The following RIPPLY3 variants were observed in gnomAD, a reference collection of about 807,000 sequenced individuals.
RIPPLY3 encodes the protein protein ripply3.
RIPPLY3 carries 8 observed loss-of-function variants against 11.9 expected under a neutral mutation model. The observed-to-expected ratio is 0.67, with a 90% CI of 0.40 to 1.21. RIPPLY3 has a LOEUF of 1.21. RIPPLY3 is among the 50% of genes most tolerant of loss of function. The pLI is 0.01. For synonymous variants in RIPPLY3, 102 were observed against 99.0 expected (o/e 1.03, Z -0.18); for missense variants, 271 against 246.0 (o/e 1.10, Z -0.68).
intron 2 of RIPPLY3, among the ~76,000 whole-genome samples, 172 bp from the exon 3 acceptor site, chr21:37,013,379 G>A (rs990028953): frequency 9.2e-5 from 14 of 152,260 alleles, no homozygotes; most frequent in Middle Eastern, 3.4e-3. Context: ...ATTTTGGGCC[G>A]CGGTAACAGG....
At chr21:37,012,946 C>A (rs993728244) in intron 2 of RIPPLY3, among the ~76,000 whole-genome samples, 2 of 151,358 alleles carry the variant, frequency 1.3e-5, no homozygotes, top group African/African-American at 4.9e-5. Flanking sequence ...CTCACTGTAA[C>A]CTCCACCTCC....
chr21:37,006,607 C>T (rs1382619095), upstream of RIPPLY3: 2 of 382,218 alleles, frequency 5.2e-6, no homozygotes, highest in Non-Finnish European at 4.5e-6. The surrounding 1 kb of genome is among the most constrained non-coding windows in gnomAD (Gnocchi z 5.2). Context: ...CCCCTCCGCA[C>T]CCCTCACGGA....
rs554824188 is a variant in RIPPLY3, at chr21:37,015,927, T to A, written c.240-1947T>A. Among the ~76,000 whole-genome samples, 207 of 150,606 alleles carry A rather than the reference T, an allele frequency of 1.4e-3. 3 individuals carry two copies. In the Middle Eastern group the frequency reaches 0.02, roughly 15 times the overall value. On this transcript the variant is annotated intron_variant, in intron 3 of 3. Transcript: ENST00000329553. ...TGGGGTTTTGCCATGTTGCTCAGGC[T>A]GGTCTCAAACTCCTGGGCTCAAGTG...
At chr21:37,012,035 C>T (rs561534200) in intron 2 of RIPPLY3, among the ~76,000 whole-genome samples, 11 of 151,284 alleles carry the variant, frequency 7.3e-5, no homozygotes, top group African/African-American at 2.2e-4. Context: ...ACATTCCCTC[C>T]GCCACCCGCC....
At chr21:37,012,112 T>C (rs1305773802) in intron 2 of RIPPLY3, among the ~76,000 whole-genome samples, 2 of 151,502 alleles carry the variant, frequency 1.3e-5, no homozygotes, top group Admixed American at 1.3e-4. Flanking sequence ...TGTCAGGCCA[T>C]AGTAAGTTTT....
At chr21:37,015,634 C>T (rs529560427) in intron 3 of RIPPLY3, among the ~76,000 whole-genome samples, 7 of 152,292 alleles carry the variant, frequency 4.6e-5, no homozygotes, top group African/African-American at 1.2e-4. Context: ...TACCCATCAC[C>T]GGCCTCAATA....
Position 37,018,114 on chromosome 21 carries a change from G to GCAGC in RIPPLY3, c.481_484dup (p.Arg162ProfsTer8). On this transcript the variant is annotated frameshift_variant, in exon 4 of 4. Coordinates refer to ENST00000329553, the MANE Select transcript of RIPPLY3 (RefSeq NM_018962.3). LOFTEE classifies it low-confidence loss of function (END_TRUNC). ...GCAGAGACCAGGGCATCAACCAAGG[G>GCAGC]CAGCGATCCTCAGGAGGGGGTGACC... The GCAGC allele has an allele frequency of 6.2e-7, 1 of 1,614,034 alleles. No homozygotes were observed. The highest frequency in any genetic ancestry group is 1.6e-4 in the Middle Eastern group (1 of 6,062).
Position 37,006,962 on chromosome 21 carries a change from C to T in RIPPLY3, c.104+86C>T. On this transcript the variant is annotated intron_variant, in intron 1 of 3. Coordinates refer to ENST00000329553, the MANE Select transcript of RIPPLY3 (RefSeq NM_018962.3). The surrounding 1 kb of genome is among the most constrained non-coding windows in gnomAD (Gnocchi z 5.2). ...GAGCGCAGCGAGCGGGAGGCTGGGG[C>T]GCTGCTGAACCCCCGATCCCCAGCG... The T allele has an allele frequency of 1.3e-6, 1 of 773,268 alleles. No individual in the cohort carries two copies. The highest frequency in any genetic ancestry group is 1.8e-5 in the African/African-American group (1 of 55,010). The allele number at this position is 773,268 out of a possible 1,614,324, so 47.9% of individuals were successfully genotyped here. A position where few individuals can be genotyped will look rare whatever the true frequency, so the allele number is the denominator to read the frequency against.
intron 1 of RIPPLY3, among the ~76,000 whole-genome samples, chr21:37,007,477 C>T (rs2069477459): frequency 7.2e-6 from 1 of 138,870 alleles, no homozygotes; most frequent in African/African-American, 2.8e-5. Context: ...GGCGTGATCT[C>T]GGCTCACGGG....
At chr21:37,007,508 A>T (rs1214007817) in intron 1 of RIPPLY3, among the ~76,000 whole-genome samples, 2 of 145,048 alleles carry the variant, frequency 1.4e-5, no homozygotes, top group Non-Finnish European at 3.0e-5. Flanking sequence ...TCCCGGGTTC[A>T]AGCGATTTTC....
intron 2 of RIPPLY3, among the ~76,000 whole-genome samples, chr21:37,012,505 T>A (rs1408126015): frequency 6.6e-6 from 1 of 152,098 alleles, no homozygotes; most frequent in South Asian, 2.1e-4. Flanking sequence ...CCTCCCAAAG[T>A]GCTGCCATTA....
chr21:37,011,854 G>A (rs2069525395), intron 2 of RIPPLY3, among the ~76,000 whole-genome samples: 1 of 146,468 alleles, frequency 6.8e-6, no homozygotes, highest in Non-Finnish European at 1.5e-5. Flanking sequence ...TCGGGAGGCT[G>A]AGGCAGGAGA....
rs2146770774 is a variant in RIPPLY3, at chr21:37,006,794, G to A, written c.22G>A (p.Gly8Arg). 3 of 1,232,794 alleles carry A rather than the reference G, an allele frequency of 2.4e-6. No individual in the cohort carries two copies. Among genetic ancestry groups the A allele is most frequent in the Admixed American group, 4.3e-5 (1 of 23,526 alleles). 76.4% of individuals were successfully genotyped at this position (1,232,794 alleles called of 1,614,324 possible). A position where few individuals can be genotyped will look rare whatever the true frequency, so the allele number is the denominator to read the frequency against. The change falls in exon 1 of 4, where the codon GGA (glycine) becomes AGA (arginine). Residue 8 changes from glycine (G) to arginine (R), a missense_variant. Coordinates refer to ENST00000329553, the MANE Select transcript of RIPPLY3 (RefSeq NM_018962.3). The surrounding 1 kb of genome is among the most constrained non-coding windows in gnomAD (Gnocchi z 5.2). MEPEAAA[G>R]ARKARGRGCH... ...CACCATGGAGCCCGAAGCGGCGGCC[G>A]GAGCCCGGAAGGCGCGGGGGCGCGG...
chr21:37,013,965 AT>A (rs1444439108), intron 3 of RIPPLY3, among the ~76,000 whole-genome samples: 1 of 152,154 alleles, frequency 6.6e-6, no homozygotes, highest in African/African-American at 2.4e-5. Flanking sequence ...GTATATTTCT[AT>A]TGTTCTACCA....
At position 37,018,816 on chromosome 21, in the gene RIPPLY3, C is replaced by T. The variant is rs1260199130; in HGVS notation, c.*609C>T. On this transcript the variant is annotated 3_prime_UTR_variant, in exon 4 of 4. Coordinates refer to ENST00000329553, the MANE Select transcript of RIPPLY3 (RefSeq NM_018962.3). ...CAAGTGATTCTCCTGTCTCAGCCTC[C>T]CAAGTAGCTGGGATTACAGGCATGA... The T allele has an allele frequency of 6.6e-6, 1 of 151,960 alleles. No individual in the cohort carries two copies. The highest frequency in any genetic ancestry group is 1.5e-5 in the Non-Finnish European group (1 of 68,126). 9.4% of individuals were successfully genotyped at this position (151,960 alleles called of 1,614,324 possible).
At chr21:37,015,633 C>T (rs983174111) in intron 3 of RIPPLY3, among the ~76,000 whole-genome samples, 2 of 152,206 alleles carry the variant, frequency 1.3e-5, no homozygotes, top group Admixed American at 6.5e-5. Flanking sequence ...GTACCCATCA[C>T]CGGCCTCAAT....
chr21:37,010,935 G>C (rs2069515222), intron 2 of RIPPLY3, among the ~76,000 whole-genome samples: 1 of 152,018 alleles, frequency 6.6e-6, no homozygotes, highest in Admixed American at 6.6e-5. Flanking sequence ...TGAATATTTA[G>C]ACATTTCCCT....
chr21:37,009,578 T>C (rs1214206756), intron 2 of RIPPLY3, among the ~76,000 whole-genome samples: 1 of 152,214 alleles, frequency 6.6e-6, no homozygotes, highest in Non-Finnish European at 1.5e-5. Context: ...AACATAAAAT[T>C]TAAAGGTGCT....
intron 3 of RIPPLY3, among the ~76,000 whole-genome samples, chr21:37,014,920 G>T (rs1446247337): frequency 6.6e-6 from 1 of 152,138 alleles, no homozygotes; most frequent in Non-Finnish European, 1.5e-5. Flanking sequence ...TAGAGACAAG[G>T]TCTCACTATA....
Sources: gnomAD v4.1 joint callset for allele counts (sites outside exome capture counted in the v4.1 genomes callset) on GRCh38, gnomAD v4.1.1 for gene constraint, Gnocchi (gnomAD v3.1) non-coding constraint, MANE v1.5 for transcripts, NCBI Gene and HGNC (gene_info 2026-07-23, HGNC 2026-07-21) for gene names.